PPM1H: variants seen among roughly 807,000 people sequenced by gnomAD.
The protein encoded by PPM1H is protein phosphatase, Mg2+/Mn2+ dependent 1H, also known as protein phosphatase 1H.
PPM1H carries 27 observed loss-of-function variants against 54.9 expected under a neutral mutation model. That is an observed-to-expected ratio of 0.49 (90% confidence interval 0.36 to 0.68). The LOEUF is 0.68. Among genes scored for constraint, PPM1H ranks in the 30% least tolerant of loss-of-function variants. The pLI is 0.00. For synonymous variants in PPM1H, 305 were observed against 270.8 expected (o/e 1.13, Z -1.24); for missense variants, 596 against 667.8 (o/e 0.89, Z 1.19).
intron 5 of PPM1H, among the ~76,000 whole-genome samples, chr12:62,728,276 C>T (rs1165764830): frequency 1.3e-5 from 2 of 152,030 alleles, no homozygotes; most frequent in Admixed American, 1.3e-4. Flanking sequence ...ATCTGAGCAG[C>T]TAAAAAAAGG....
chr12:62,839,368 C>A (rs146910753), intron 1 of PPM1H, among the ~76,000 whole-genome samples: 5 of 152,200 alleles, frequency 3.3e-5, no homozygotes, highest in Non-Finnish European at 7.4e-5. Context: ...ACAAAGTGTT[C>A]ATTAAAAGGT....
chr12:62,879,520 C>T (rs1399779249), intron 1 of PPM1H, among the ~76,000 whole-genome samples: 9 of 151,928 alleles, frequency 5.9e-5, no homozygotes, highest in Non-Finnish European at 8.8e-5. Flanking sequence ...GGACAGAAAA[C>T]CAAACACCAC....
chr12:62,887,449 A>T lies in PPM1H; in HGVS notation c.245+47043T>A, dbSNP rs148771925. On this transcript the variant is annotated intron_variant, in intron 1 of 9. Transcript: ENST00000228705. ...TTTCATGTTCAAGTGACAATTGCCA[A>T]TGCTTATTGAGCAGTTATTAATGTA... 1.2e-3 allele frequency among the ~76,000 whole-genome samples: 186 copies of T among 152,306 alleles called. 1 individual carries two copies. Among genetic ancestry groups the T allele is most frequent in the African/African-American group, 4.4e-3 (183 of 41,572 alleles).
intron 5 of PPM1H, among the ~76,000 whole-genome samples, chr12:62,728,710 G>A (rs538792107): frequency 6.6e-6 from 1 of 152,222 alleles, no homozygotes; most frequent in African/African-American, 2.4e-5. Context: ...TGGGCTCAGG[G>A]AGAGTTTCGA....
intron 4 of PPM1H, among the ~76,000 whole-genome samples, chr12:62,759,297 C>T (rs1184240097): frequency 6.6e-6 from 1 of 152,248 alleles, no homozygotes; most frequent in Non-Finnish European, 1.5e-5. Context: ...CCACCTATGA[C>T]ATCAGGTCCT....
chr12:62,851,451 C>A (rs543749331), intron 1 of PPM1H, among the ~76,000 whole-genome samples: 1 of 152,308 alleles, frequency 6.6e-6, no homozygotes, highest in South Asian at 2.1e-4. Flanking sequence ...GCCTGTAATC[C>A]CAACACTTTC....
chr12:62,881,777 A>AGG (rs1183533692), intron 1 of PPM1H, among the ~76,000 whole-genome samples: 1 of 152,186 alleles, frequency 6.6e-6, no homozygotes. Flanking sequence ...TCCTCTCCAG[A>AGG]AACAGGGTCA....
At chr12:62,930,808 G>A (rs2121192640) in intron 1 of PPM1H, among the ~76,000 whole-genome samples, 1 of 151,594 alleles carries the variant, frequency 6.6e-6, no homozygotes, top group African/African-American at 2.4e-5. Context: ...CATGTTTTTA[G>A]AAAGATTTTA....
chr12:62,807,681 C>T (rs2076813035), intron 2 of PPM1H, among the ~76,000 whole-genome samples: 1 of 152,130 alleles, frequency 6.6e-6, no homozygotes, highest in African/African-American at 2.4e-5. Flanking sequence ...CTTCAATGTC[C>T]TCCTATGCTA....
At chr12:62,667,426 G>C (rs2272521) in intron 8 of PPM1H, 97 bp from the exon 9 acceptor site, 97,422 of 1,130,260 alleles carry the variant, frequency 0.086, 4,626 homozygotes, top group East Asian at 0.096. Context: ...TTCCTGCCCA[G>C]CCTAGTGGTT....
chr12:62,757,863 C>T (rs200550009), intron 4 of PPM1H, among the ~76,000 whole-genome samples: 3 of 152,180 alleles, frequency 2.0e-5, no homozygotes, highest in Admixed American at 6.5e-5. Flanking sequence ...ATCTTATTCC[C>T]ATTGGCTGGT....
At chr12:62,932,079 T>C (rs1872154798) in intron 1 of PPM1H, among the ~76,000 whole-genome samples, 1 of 148,262 alleles carries the variant, frequency 6.7e-6, no homozygotes, top group Non-Finnish European at 1.5e-5. Context: ...GAAGAGGGGC[T>C]GACTTTTTTT....
At position 62,676,918 on chromosome 12, in the gene PPM1H, C is replaced by T. The variant is rs566005419; in HGVS notation, c.1246-9589G>A. Among the ~76,000 whole-genome samples, 4 of 152,286 alleles carry T rather than the reference C, an allele frequency of 2.6e-5. No individual in the cohort carries two copies. In the South Asian group the frequency reaches 8.3e-4, roughly 32 times the overall value. On this transcript the variant is annotated intron_variant, in intron 8 of 9. Transcript: ENST00000228705. The stretch of plus-strand genomic sequence containing the variant: ...GATGACTTGAAGCATGGGAGCCAGG[C>T]TGTCAGTTCCAGGTGGAGTCCACAG...
chr12:62,909,012 C>T (rs1260212992), intron 1 of PPM1H, among the ~76,000 whole-genome samples: 1 of 152,006 alleles, frequency 6.6e-6, no homozygotes, highest in Non-Finnish European at 1.5e-5. Flanking sequence ...CACCAGTCCC[C>T]CACCCCACCC....
chr12:62,782,805 C>T (rs910996623), intron 4 of PPM1H, among the ~76,000 whole-genome samples: 1 of 152,134 alleles, frequency 6.6e-6, no homozygotes, highest in Non-Finnish European at 1.5e-5. Flanking sequence ...AGATTATGAT[C>T]AAAATGAAAA....
intron 1 of PPM1H, among the ~76,000 whole-genome samples, chr12:62,901,947 G>T (rs1871172283): frequency 6.6e-6 from 1 of 152,118 alleles, no homozygotes; most frequent in African/African-American, 2.4e-5. Context: ...AGAATAAAAT[G>T]GGATAATAAA....
At chr12:62,915,597 C>G (rs1289154790) in intron 1 of PPM1H, among the ~76,000 whole-genome samples, 3 of 152,210 alleles carry the variant, frequency 2.0e-5, no homozygotes, top group Non-Finnish European at 4.4e-5. Context: ...CCCCTTCAAT[C>G]CTGGATACAT....
chr12:62,664,630 A>G (rs1204787093), intron 9 of PPM1H, among the ~76,000 whole-genome samples: 1 of 152,180 alleles, frequency 6.6e-6, no homozygotes, highest in African/African-American at 2.4e-5. Flanking sequence ...CACACATTAG[A>G]CATTCTTATT....
intron 1 of PPM1H, among the ~76,000 whole-genome samples, chr12:62,892,307 C>T (rs1870827017): frequency 6.6e-6 from 1 of 152,214 alleles, no homozygotes; most frequent in East Asian, 1.9e-4. Flanking sequence ...ATACCAGCCT[C>T]TTACTGCTTT....
Sources: allele counts gnomAD v4.1 joint callset (sites outside exome capture counted in the v4.1 genomes callset), GRCh38; gene constraint gnomAD v4.1.1; transcripts MANE v1.5; gene names NCBI Gene and HGNC (gene_info 2026-07-23, HGNC 2026-07-21).